Variants in LVRN observed in about 807,000 individuals in gnomAD.
LVRN encodes laeverin, also known as aminopeptidase Q.
LVRN carries 99 observed loss-of-function variants against 111.4 expected under a neutral mutation model. The observed-to-expected ratio is 0.89, with a 90% CI of 0.76 to 1.05. The LOEUF is 1.05. Among genes scored for constraint, LVRN ranks in the 50% least tolerant of loss-of-function variants. LVRN has a pLI of 0.00. For synonymous variants in LVRN, 488 were observed against 449.5 expected (o/e 1.09, Z -1.08); for missense variants, 1,414 against 1,206.8 (o/e 1.17, Z -2.54).
intron 4 of LVRN, among the ~76,000 whole-genome samples, chr5:115,988,986 G>T (rs1747926861): frequency 6.6e-6 from 1 of 152,104 alleles, no homozygotes. Flanking sequence ...TATCTAATTA[G>T]TCACCTTATC....
intron 3 of LVRN, 38 bp downstream of exon 3, chr5:115,984,747 C>G (rs541335222): frequency 6.2e-7 from 1 of 1,609,838 alleles, no homozygotes; most frequent in South Asian, 1.1e-5. Context: ...GGAGATTGTA[C>G]TGGCTGCAGA....
At chr5:116,001,376 A>T in intron 10 of LVRN, 137 bp downstream of exon 10, 2 of 1,021,348 alleles carry the variant, frequency 2.0e-6, no homozygotes, top group Non-Finnish European at 2.9e-6. Context: ...TACTAGGGTG[A>T]AGCAGAGCCC....
At chr5:116,013,074 G>A (rs1294411131) in intron 15 of LVRN, among the ~76,000 whole-genome samples, 1 of 152,150 alleles carries the variant, frequency 6.6e-6, no homozygotes, top group African/African-American at 2.4e-5. Context: ...AGTTTTGTGT[G>A]TAGGATGGTC....
At position 116,003,841 on chromosome 5, in the gene LVRN, A is replaced by G. The variant is rs186489636; in HGVS notation, c.2037+461A>G. The stretch of plus-strand genomic sequence containing the variant: ...GGTGATCCACCTGCCTCGGCCTCTC[A>G]AAGTGCTGGGATTACAGGCGTGAGC... On this transcript the variant is annotated intron_variant, in intron 12 of 19. Coordinates refer to ENST00000357872, the MANE Select transcript of LVRN (RefSeq NM_173800.5). Among the ~76,000 whole-genome samples the G allele has an allele frequency of 2.7e-3, 411 of 152,202 alleles. 3 individuals are homozygous for G. The highest frequency in any genetic ancestry group is 6.8e-3 in the Middle Eastern group (2 of 294).
chr5:115,982,464 G>A (rs1753580564), intron 1 of LVRN, among the ~76,000 whole-genome samples: 1 of 152,152 alleles, frequency 6.6e-6, no homozygotes, highest in African/African-American at 2.4e-5. Flanking sequence ...TCTAAAGACG[G>A]GTTCCCAGGT....
chr5:115,970,954 T>G (rs755221912), intron 1 of LVRN, among the ~76,000 whole-genome samples: 3 of 152,134 alleles, frequency 2.0e-5, no homozygotes, highest in Non-Finnish European at 4.4e-5. Flanking sequence ...TTCCAAGGAG[T>G]TTGGTCATTT....
At chr5:116,010,019 A>G (rs1329155243) in intron 13 of LVRN, among the ~76,000 whole-genome samples, 2 of 152,238 alleles carry the variant, frequency 1.3e-5, no homozygotes, top group African/African-American at 2.4e-5. Context: ...AAATTGAGCA[A>G]TTTGGCAAAC....
intron 19 of LVRN, among the ~76,000 whole-genome samples, chr5:116,023,862 C>G (rs115761837): frequency 0.013 from 1,916 of 152,206 alleles, 29 homozygotes; most frequent in African/African-American, 0.044. Context: ...AGAAAACAGG[C>G]AGTTTTTTGA....
At chr5:116,009,239 C>T (rs1748438495) in intron 13 of LVRN, among the ~76,000 whole-genome samples, 1 of 152,054 alleles carries the variant, frequency 6.6e-6, no homozygotes, top group Non-Finnish European at 1.5e-5. Context: ...TATTTTAAGC[C>T]CATTGCTTAG....
intron 18 of LVRN, 35 bp downstream of exon 18, chr5:116,015,800 G>T (rs1226338977): frequency 1.2e-6 from 2 of 1,609,006 alleles, no homozygotes. Context: ...TTTCATTTAG[G>T]CCACTGGTTT....
chr5:116,004,169 C>T (rs1748306934), intron 12 of LVRN, among the ~76,000 whole-genome samples: 1 of 152,202 alleles, frequency 6.6e-6, no homozygotes, highest in African/African-American at 2.4e-5. Flanking sequence ...TTTCCACTCT[C>T]CTTCAGAAGA....
intron 18 of LVRN, among the ~76,000 whole-genome samples, chr5:116,018,775 C>T (rs1286576910): frequency 3.3e-5 from 5 of 152,094 alleles, no homozygotes; most frequent in East Asian, 3.8e-4. Flanking sequence ...CATCTTATGA[C>T]GTGATTTATT....
intron 2 of LVRN, among the ~76,000 whole-genome samples, chr5:115,983,904 A>G (rs1414477702): frequency 6.6e-6 from 1 of 152,228 alleles, no homozygotes; most frequent in Non-Finnish European, 1.5e-5. Flanking sequence ...GATCAGTGAC[A>G]TTTGAGAAGA....
intron 1 of LVRN, among the ~76,000 whole-genome samples, chr5:115,982,364 A>C (rs1439302492): frequency 3.3e-5 from 5 of 152,150 alleles, no homozygotes; most frequent in African/African-American, 4.8e-5. Flanking sequence ...TATTTATCCA[A>C]GAATTGGGCC....
chr5:115,981,611 A>G (rs1753561427), intron 1 of LVRN, among the ~76,000 whole-genome samples: 1 of 152,168 alleles, frequency 6.6e-6, no homozygotes, highest in South Asian at 2.1e-4. Context: ...TTATTTTTAA[A>G]AGTACAATTA....
At chr5:115,966,305 T>C (rs756044569) in intron 1 of LVRN, among the ~76,000 whole-genome samples, 12 of 152,234 alleles carry the variant, frequency 7.9e-5, no homozygotes, top group Non-Finnish European at 1.5e-4. Flanking sequence ...GTTCTATAAA[T>C]GGAATTATAT....
chr5:115,963,388 T>C (rs1372669975), intron 1 of LVRN, 76 bp downstream of exon 1: 3 of 1,253,634 alleles, frequency 2.4e-6, no homozygotes, highest in Non-Finnish European at 3.3e-6. Context: ...TCCAGCTGAC[T>C]ACCGTGTCCA....
Position 116,005,974 on chromosome 5 carries a change from A to C in LVRN, c.2093+7A>C. The C allele has an allele frequency of 6.3e-7, 1 of 1,584,286 alleles. No individual in the cohort carries two copies. The highest frequency in any genetic ancestry group is 8.7e-7 in the Non-Finnish European group (1 of 1,153,546). On this transcript the variant is annotated splice_region_variant and intron_variant, in intron 13 of 19. Transcript: ENST00000357872. ...ATGCCTTTTCCTTGTCTAAGTGAGT[A>C]TATTTTCTTCTCTCATGGTTTCAGA...
At chr5:116,003,741 C>T (rs1445020599) in intron 12 of LVRN, among the ~76,000 whole-genome samples, 1 of 151,988 alleles carries the variant, frequency 6.6e-6, no homozygotes, top group Non-Finnish European at 1.5e-5. Flanking sequence ...GCCACCACGC[C>T]CGGCTAATTT....
Sources: gnomAD v4.1 joint callset for allele counts (sites outside exome capture counted in the v4.1 genomes callset) on GRCh38, gnomAD v4.1.1 for gene constraint, MANE v1.5 for transcripts, NCBI Gene and HGNC (gene_info 2026-07-23, HGNC 2026-07-21) for gene names.